THSD4: variants seen among roughly 807,000 people sequenced by gnomAD.
THSD4 encodes thrombospondin type-1 domain-containing protein 4.
A neutral mutation model predicts 119.0 loss-of-function variants in THSD4; 69 were observed. The ratio of observed to expected loss-of-function variants is 0.58; its 90% CI spans 0.48 to 0.71. THSD4 has a LOEUF of 0.71. Among genes scored for constraint, THSD4 ranks in the 30% least tolerant of loss-of-function variants. The pLI, the probability that THSD4 is intolerant of heterozygous loss-of-function variation, is 0.00. For missense variants in THSD4, 1,393 were observed against 1,391.1 expected, an observed-to-expected ratio of 1.00 and a Z score of -0.02; for synonymous variants, 524 against 540.4, an observed-to-expected ratio of 0.97 and a Z score of 0.42.
chr15:71,644,861 C>T lies in THSD4; in HGVS notation c.1153-15669C>T, dbSNP rs571246420. On this transcript the variant is annotated intron_variant, in intron 7 of 17. Coordinates refer to ENST00000261862, the MANE Select transcript of THSD4 (RefSeq NM_024817.3). ...CTTCCTCTAGCAGTCCATTTCACCC[C>T]TCAGCTCAGGGGTAATGCCTTGGTT... is the stretch of plus-strand genomic sequence containing the variant. 2.9e-3 allele frequency among the ~76,000 whole-genome samples: 436 copies of T among 152,252 alleles called. 4 individuals carry two copies. The highest frequency in any genetic ancestry group is 0.019 in the South Asian group (91 of 4,816).
At chr15:71,277,189 A>C (rs962334578) in intron 6 of THSD4, among the ~76,000 whole-genome samples, 4 of 138,768 alleles carry the variant, frequency 2.9e-5, no homozygotes, top group African/African-American at 1.1e-4. Context: ...GCAGTGGTGC[A>C]TTCTGGGCTC....
At chr15:71,742,974 G>C (rs1165609139) in intron 11 of THSD4, among the ~76,000 whole-genome samples, 1 of 152,172 alleles carries the variant, frequency 6.6e-6, no homozygotes, top group Admixed American at 6.5e-5. Flanking sequence ...AGAATCACTT[G>C]AACCCGGGAG....
intron 8 of THSD4, among the ~76,000 whole-genome samples, chr15:71,677,210 G>A (rs539127796): frequency 2.0e-5 from 3 of 152,330 alleles, no homozygotes; most frequent in South Asian, 4.1e-4. Flanking sequence ...CCTGCTGCAG[G>A]TCATGGCAGC....
intron 3 of THSD4, among the ~76,000 whole-genome samples, chr15:71,199,656 GTGTGA>G (rs2043762642): frequency 6.9e-6 from 1 of 145,256 alleles, no homozygotes; most frequent in Non-Finnish European, 1.5e-5. Flanking sequence ...TGGTGTGTGT[GTGTGA>G]TGCATGTGTG....
chr15:71,352,118 A>T (rs1207239268), intron 6 of THSD4, among the ~76,000 whole-genome samples: 2 of 152,226 alleles, frequency 1.3e-5, no homozygotes, highest in Non-Finnish European at 2.9e-5. Context: ...TTTTTGGCAG[A>T]TTCGTGATTC....
intron 7 of THSD4, among the ~76,000 whole-genome samples, chr15:71,439,718 A>G (rs2047064607): frequency 6.6e-6 from 1 of 152,218 alleles, no homozygotes; most frequent in Non-Finnish European, 1.5e-5. Context: ...TTGCAGGGAC[A>G]TGGACGAAGC....
At chr15:71,269,751 G>A (rs1384653490) in intron 6 of THSD4, among the ~76,000 whole-genome samples, 2 of 152,198 alleles carry the variant, frequency 1.3e-5, no homozygotes, top group Non-Finnish European at 2.9e-5. Flanking sequence ...CTTCAGCAAA[G>A]TCTCAGGATA....
chr15:71,209,223 C>T (rs1401553804), intron 3 of THSD4, among the ~76,000 whole-genome samples: 1 of 152,176 alleles, frequency 6.6e-6, no homozygotes, highest in Non-Finnish European at 1.5e-5. Context: ...TCCTCTGTCC[C>T]TGCTGGGGGA....
At chr15:71,541,821 AG>A (rs1301318305) in intron 7 of THSD4, among the ~76,000 whole-genome samples, 2 of 152,352 alleles carry the variant, frequency 1.3e-5, no homozygotes, top group East Asian at 1.9e-4. Flanking sequence ...TTCTAGAGAA[AG>A]GGAGTACCAG....
intron 8 of THSD4, among the ~76,000 whole-genome samples, chr15:71,715,684 A>G (rs1056625753): frequency 2.0e-5 from 3 of 152,104 alleles, no homozygotes; most frequent in African/African-American, 7.2e-5. Context: ...TCAGCTGTCC[A>G]TGACATTGAG....
intron 7 of THSD4, among the ~76,000 whole-genome samples, chr15:71,435,550 C>T (rs867925666): frequency 6.6e-6 from 1 of 152,294 alleles, no homozygotes; most frequent in Middle Eastern, 3.4e-3. Context: ...TGGAAAGTCC[C>T]TGAGGTAACT....
At chr15:71,742,451 C>T (rs1197648076) in intron 11 of THSD4, among the ~76,000 whole-genome samples, 1 of 152,198 alleles carries the variant, frequency 6.6e-6, no homozygotes, top group Non-Finnish European at 1.5e-5. Flanking sequence ...TCTACACTAG[C>T]CCCTGAATTC....
chr15:71,172,682 CATATAT>C (rs71152331), intron 3 of THSD4, among the ~76,000 whole-genome samples: 1,608 of 24,034 alleles, frequency 0.067, 27 homozygotes, highest in Middle Eastern at 0.14. Flanking sequence ...TAGACCTATA[CATATAT>C]ATATATATAT....
intron 8 of THSD4, 62 bp from the exon 9 acceptor site, chr15:71,728,487 C>G: frequency 6.4e-7 from 1 of 1,572,980 alleles, no homozygotes. Context: ...CTGGGGGAGT[C>G]AGTTCTGTTT....
intron 7 of THSD4, among the ~76,000 whole-genome samples, chr15:71,612,090 A>G (rs1025965860): frequency 6.6e-6 from 1 of 152,186 alleles, no homozygotes; most frequent in Admixed American, 6.5e-5. Flanking sequence ...ATCCCCTCTT[A>G]GCCATTTCTC....
intron 7 of THSD4, among the ~76,000 whole-genome samples, chr15:71,519,272 G>A (rs1055760408): frequency 2.0e-5 from 3 of 152,240 alleles, no homozygotes; most frequent in African/African-American, 4.8e-5. Flanking sequence ...TATAAGGTCA[G>A]AGATATAGAC....
At chr15:71,222,682 T>C (rs2043984465) in intron 4 of THSD4, among the ~76,000 whole-genome samples, 2 of 152,198 alleles carry the variant, frequency 1.3e-5, no homozygotes, top group Admixed American at 6.5e-5. Context: ...GACGTTTTTC[T>C]GTGGAGCTGA....
chr15:71,272,453 C>T (rs2044543049), intron 6 of THSD4, among the ~76,000 whole-genome samples: 1 of 145,120 alleles, frequency 6.9e-6, no homozygotes, highest in Non-Finnish European at 1.5e-5. Flanking sequence ...GGGCAAAGGA[C>T]CTGAATAGAC....
chr15:71,101,013 T>A (rs1411093874), intron 1 of THSD4, among the ~76,000 whole-genome samples: 1 of 151,772 alleles, frequency 6.6e-6, no homozygotes, highest in East Asian at 1.9e-4. Context: ...AAAAGTAAAA[T>A]AAAAAATAAA....
Sources: allele counts gnomAD v4.1 joint callset (sites outside exome capture counted in the v4.1 genomes callset), GRCh38; gene constraint gnomAD v4.1.1; transcripts MANE v1.5; gene names NCBI Gene and HGNC (gene_info 2026-07-23, HGNC 2026-07-21).